Variants in CRB1 observed in about 807,000 individuals in gnomAD.
The protein encoded by CRB1 is crumbs cell polarity complex component 1.
In CRB1, 83 loss-of-function variants were observed where a neutral mutation model predicts 120.0. The ratio of observed to expected loss-of-function variants is 0.69; its 90% CI spans 0.58 to 0.83. The LOEUF is 0.83. Ranked by LOEUF, CRB1 falls within the 40% of genes least tolerant of loss-of-function variation. The probability of loss-of-function intolerance (pLI) is 0.00; values close to 1 mark genes in which losing one functional copy is unlikely to be tolerated. For synonymous variants in CRB1, 625 were observed against 612.5 expected, an observed-to-expected ratio of 1.02 and a Z score of -0.30; for missense variants, 1,699 against 1,687.6, an observed-to-expected ratio of 1.01 and a Z score of -0.12.
chr1:197,470,294 C>T lies in CRB1; in HGVS notation c.4006-7370C>T, dbSNP rs532219904. 9.9e-5 allele frequency among the ~76,000 whole-genome samples: 15 copies of T among 152,164 alleles called. No homozygotes were observed. In the South Asian group the frequency reaches 3.1e-3, roughly 32 times the overall value. On this transcript the variant is annotated intron_variant, in intron 11 of 11. Coordinates refer to ENST00000367400, the MANE Select transcript of CRB1 (RefSeq NM_201253.3). ...TATAGACTTCACATGGTACTGAATG[C>T]TTGAGAGAATGAAAGCTGATTGCAA...
chr1:197,366,118 G>A (rs997190107), intron 5 of CRB1, among the ~76,000 whole-genome samples: 2 of 151,864 alleles, frequency 1.3e-5, no homozygotes, highest in African/African-American at 2.4e-5. Context: ...GTACCAAGAA[G>A]TTCAAAATAT....
the CRB1 span, among the ~76,000 whole-genome samples, chr1:197,202,666 A>G: frequency 1.3e-5 from 2 of 152,186 alleles, no homozygotes; most frequent in Non-Finnish European, 2.9e-5. Context: ...AATAGAAAAA[A>G]TTCTGATAAG....
At chr1:197,251,083 G>A in the CRB1 span, among the ~76,000 whole-genome samples, 1 of 151,836 alleles carries the variant, frequency 6.6e-6, no homozygotes, top group African/African-American at 2.4e-5. Flanking sequence ...TATCTTATTT[G>A]GAGAGATAAT....
At chr1:197,343,971 C>A (rs1659618618) in intron 2 of CRB1, among the ~76,000 whole-genome samples, 1 of 152,160 alleles carries the variant, frequency 6.6e-6, no homozygotes, top group African/African-American at 2.4e-5. Flanking sequence ...AAACATCGAC[C>A]AGCCACTTTT....
intron 1 of CRB1, among the ~76,000 whole-genome samples, chr1:197,312,486 G>A (rs1279748808): frequency 2.0e-5 from 3 of 152,202 alleles, no homozygotes; most frequent in Non-Finnish European, 2.9e-5. Flanking sequence ...GGAGGCTGAG[G>A]CAGGAGAACT....
intron 1 of CRB1, among the ~76,000 whole-genome samples, chr1:197,320,528 A>G (rs931124963): frequency 6.6e-6 from 1 of 152,210 alleles, no homozygotes; most frequent in Non-Finnish European, 1.5e-5. Context: ...AGCCCTTATA[A>G]GTGAAAGATC....
chr1:197,385,170 A>G (rs1329526371), intron 5 of CRB1, among the ~76,000 whole-genome samples: 1 of 152,130 alleles, frequency 6.6e-6, no homozygotes, highest in Non-Finnish European at 1.5e-5. Context: ...ACAACTTCTA[A>G]CCCTTGAGAC....
chr1:197,320,664 T>C (rs1658136180), intron 1 of CRB1, among the ~76,000 whole-genome samples: 1 of 152,190 alleles, frequency 6.6e-6, no homozygotes, highest in South Asian at 2.1e-4. Context: ...AAGATGGGGA[T>C]CAAGTTTGGT....
At chr1:197,392,516 A>C (rs1288876270) in intron 5 of CRB1, among the ~76,000 whole-genome samples, 1 of 152,138 alleles carries the variant, frequency 6.6e-6, no homozygotes. Flanking sequence ...GCTGTAAAGA[A>C]ATAGGTTACA....
At chr1:197,427,348 C>T in intron 6 of CRB1, 106 bp from the exon 7 acceptor site, 1 of 833,860 alleles carries the variant, frequency 1.2e-6, no homozygotes, top group Non-Finnish European at 2.0e-6. Context: ...TGCTTGTGTG[C>T]ATGTGTGTGT....
In CRB1 at chr1:197,478,198, G is replaced by T; in HGVS notation, c.*319G>T. 2 of 340,302 alleles carry T rather than the reference G, an allele frequency of 5.9e-6. No homozygotes were observed. Among genetic ancestry groups the T allele is most frequent in the Non-Finnish European group, 1.1e-5 (2 of 180,084 alleles). 21.1% of individuals were successfully genotyped at this position (340,302 alleles called of 1,614,324 possible). A position where few individuals can be genotyped will look rare whatever the true frequency, so the allele number is the denominator to read the frequency against. ...TGAAACTCTTTCCTCTTTTCAACCT[G>T]GGAACAAATTTTAGTTTTCATTTTA... On this transcript the variant is annotated 3_prime_UTR_variant, in exon 12 of 12. Transcript: ENST00000367400.
intron 11 of CRB1, among the ~76,000 whole-genome samples, chr1:197,472,424 C>A (rs1667022592): frequency 6.6e-6 from 1 of 152,160 alleles, no homozygotes; most frequent in South Asian, 2.1e-4. Context: ...ATGGTTGCAG[C>A]ATTAGTTCTT....
chr1:197,355,521 C>A (rs1406335392), intron 4 of CRB1, among the ~76,000 whole-genome samples: 2 of 152,184 alleles, frequency 1.3e-5, no homozygotes, highest in Non-Finnish European at 2.9e-5. Context: ...TGGCGGGCTG[C>A]AGGTTCCGAG....
chr1:197,474,718 C>A (rs927579417), intron 11 of CRB1, among the ~76,000 whole-genome samples: 3 of 152,160 alleles, frequency 2.0e-5, no homozygotes, highest in African/African-American at 7.2e-5. Flanking sequence ...AGTGATTTTT[C>A]TCTTGTGTGC....
At chr1:197,347,317 T>A in intron 3 of CRB1, 23 bp from the exon 4 acceptor site, 1 of 1,609,736 alleles carries the variant, frequency 6.2e-7, no homozygotes, top group Non-Finnish European at 8.5e-7. Flanking sequence ...AGAGTTGACA[T>A]GAAAATTTCA....
At chr1:197,368,568 G>A (rs1366827744) in intron 5 of CRB1, among the ~76,000 whole-genome samples, 1 of 152,174 alleles carries the variant, frequency 6.6e-6, no homozygotes, top group Non-Finnish European at 1.5e-5. Context: ...AGATATTATA[G>A]CAAGGAGGAA....
the CRB1 span, among the ~76,000 whole-genome samples, chr1:197,252,582 A>ATATATATATATATGTG: frequency 2.6e-4 from 4 of 15,504 alleles, no homozygotes; most frequent in Admixed American, 2.3e-3. Context: ...ATATATATAT[A>ATATATATATATATGTG]TGTGTGTGTG....
Position 197,328,507 on chromosome 1 carries a change from T to G in CRB1, c.156T>G (p.Asn52Lys). 1 of 1,614,206 alleles carries G rather than the reference T, an allele frequency of 6.2e-7. No individual in the cohort carries two copies. The highest frequency in any genetic ancestry group is 2.2e-5 in the East Asian group (1 of 44,888). ...NSTCKDFSKD[N>K]DCSCSDTANN... ...CATGCAAAGATTTTTCAAAAGACAA[T>G]GATTGTTCTTGTTCAGACACAGCCA... Residue 52 changes from asparagine (N) to lysine (K), a missense_variant, in exon 2 of 12, where the codon AAT becomes AAG. Physicochemically the swap from Asn to Lys is moderately conservative, Grantham distance 94 (BLOSUM62 0). Coordinates refer to ENST00000367400, the MANE Select transcript of CRB1 (RefSeq NM_201253.3).
At chr1:197,372,003 C>A (rs190970044) in intron 5 of CRB1, among the ~76,000 whole-genome samples, 29 of 152,236 alleles carry the variant, frequency 1.9e-4, no homozygotes, top group Admixed American at 4.6e-4. Flanking sequence ...CATCCCATGA[C>A]CCCACTTGTT....
Sources: allele counts gnomAD v4.1 joint callset (sites outside exome capture counted in the v4.1 genomes callset), GRCh38; gene constraint gnomAD v4.1.1; transcripts MANE v1.5; gene names NCBI Gene and HGNC (gene_info 2026-07-23, HGNC 2026-07-21).